TTLL9: variants seen among roughly 807,000 people sequenced by gnomAD.
TTLL9 encodes the protein probable tubulin polyglutamylase TTLL9.
A neutral mutation model predicts 65.6 loss-of-function variants in TTLL9; 47 were observed. The observed-to-expected ratio is 0.72, with a 90% confidence interval of 0.57 to 0.91. The LOEUF (loss-of-function observed/expected upper bound fraction) is 0.91, where lower values mean the gene tolerates loss of function less well. Among genes scored for constraint, TTLL9 ranks in the 40% least tolerant of loss-of-function variants. The pLI, the probability that TTLL9 is intolerant of heterozygous loss-of-function variation, is 0.00. For missense variants in TTLL9, 537 were observed against 568.8 expected, an observed-to-expected ratio of 0.94 and a Z score of 0.57; for synonymous variants, 179 against 204.8, an observed-to-expected ratio of 0.87 and a Z score of 1.07.
chr20:31,902,754 A>T (rs1201670071), intron 4 of TTLL9, among the ~76,000 whole-genome samples: 3 of 152,308 alleles, frequency 2.0e-5, no homozygotes, highest in East Asian at 3.9e-4. Flanking sequence ...CTTTTTAAGG[A>T]ACTGCTAGAC....
At chr20:31,937,569 G>T in intron 13 of TTLL9, 60 bp downstream of exon 13, 1 of 1,372,684 alleles carries the variant, frequency 7.3e-7, no homozygotes, top group Non-Finnish European at 1.0e-6. Flanking sequence ...CTCCCACCAA[G>T]GAAGAGGGGG....
intron 2 of TTLL9, among the ~76,000 whole-genome samples, chr20:31,884,256 C>T (rs1203666831): frequency 1.3e-5 from 2 of 152,122 alleles, no homozygotes; most frequent in Non-Finnish European, 2.9e-5. Flanking sequence ...GATGGAGTCT[C>T]ACTCTGTCAC....
chr20:31,936,247 T>G lies in TTLL9; in HGVS notation c.1005-1149T>G, dbSNP rs116252521. 5.0e-3 allele frequency among the ~76,000 whole-genome samples: 762 copies of G among 152,262 alleles called. 3 individuals carry two copies. The highest frequency in any genetic ancestry group is 0.017 in the African/African-American group (688 of 41,544). ...ACTTCGAATTTGGCCTTTAGACTGTTTTTGTTTTTAATTTCAATTTATTGA... is the reference window on the plus strand; with the variant it reads ...ACTTCGAATTTGGCCTTTAGACTGTGTTTGTTTTTAATTTCAATTTATTGA... On this transcript the variant is annotated intron_variant, in intron 12 of 14. Transcript: ENST00000535842.
intron 3 of TTLL9, among the ~76,000 whole-genome samples, chr20:31,894,622 T>A (rs2063356201): frequency 6.6e-6 from 1 of 152,166 alleles, no homozygotes; most frequent in Admixed American, 6.6e-5. Flanking sequence ...CTGGATATTG[T>A]GTATGAAAAA....
chr20:31,924,186 G>A (rs570926469), intron 8 of TTLL9, among the ~76,000 whole-genome samples: 2 of 152,068 alleles, frequency 1.3e-5, no homozygotes, highest in Admixed American at 6.5e-5. Context: ...CTTCCTCCTA[G>A]ACAACCACGC....
At chr20:31,932,290 G>A (rs989827092) in intron 10 of TTLL9, among the ~76,000 whole-genome samples, 10 of 152,068 alleles carry the variant, frequency 6.6e-5, no homozygotes, top group Non-Finnish European at 1.2e-4. Context: ...TGGCCAACAT[G>A]GTGAGACCCT....
chr20:31,880,498 T>A (rs1055116221), intron 2 of TTLL9, among the ~76,000 whole-genome samples: 27 of 147,732 alleles, frequency 1.8e-4, no homozygotes, highest in African/African-American at 6.6e-4. Flanking sequence ...CCAACCGACT[T>A]TTTTTTTTTT....
intron 4 of TTLL9, among the ~76,000 whole-genome samples, chr20:31,907,836 G>T (rs1483647000): frequency 1.3e-5 from 2 of 152,158 alleles, no homozygotes; most frequent in African/African-American, 4.8e-5. Context: ...TAGACAGGGG[G>T]CTTCAGTTGT....
intron 2 of TTLL9, among the ~76,000 whole-genome samples, chr20:31,875,144 C>G (rs570710757): frequency 2.0e-5 from 3 of 152,194 alleles, no homozygotes; most frequent in East Asian, 3.9e-4. Context: ...CACAAGGAGG[C>G]CTTGTGGGAT....
rs2064167838 is a variant in TTLL9, at chr20:31,939,260, C to T, written c.1237C>T (p.His413Tyr). Residue 413 changes from histidine (H) to tyrosine (Y), a missense_variant, in exon 14 of 15, where the codon CAT becomes TAT. Around this residue, in one of 3 missense-constraint regions of TTLL9, gnomAD observed 205 missense variants for 225.9 expected, o/e 0.91. Transcript: ENST00000535842. ...SGMGNFVTNT[H>Y]LGCVNDRKKQ... ...AATGGGAAACTTTGTGACCAACACACATCTCGGTATGTAGGGCCAGGTGGG... is the reference window on the plus strand; with the variant it reads ...AATGGGAAACTTTGTGACCAACACATATCTCGGTATGTAGGGCCAGGTGGG... 6.2e-7 allele frequency: 1 copy of T among 1,613,596 alleles called. No homozygotes were observed. Among genetic ancestry groups the T allele is most frequent in the Non-Finnish European group, 8.5e-7 (1 of 1,179,834 alleles).
chr20:31,887,303 T>A, intron 3 of TTLL9, 64 bp downstream of exon 3: 1 of 1,514,412 alleles, frequency 6.6e-7, no homozygotes, highest in South Asian at 1.1e-5. Context: ...CCTCCCCTTT[T>A]CAATCCCTCT....
Position 31,889,965 on chromosome 20 carries a change from C to T in TTLL9, c.113+2726C>T, listed in dbSNP as rs578090641. ...AAGAGGGGAGGGAAGAATCAAGCCA[C>T]ATCTCTCTCTTTCTTTCTTTCTTTC... On this transcript the variant is annotated intron_variant, in intron 3 of 14. Coordinates refer to ENST00000535842, the MANE Select transcript of TTLL9 (RefSeq NM_001008409.5). Among the ~76,000 whole-genome samples the T allele has an allele frequency of 2.0e-4, 29 of 145,616 alleles. 1 individual carries two copies. In the South Asian group the frequency reaches 5.9e-3, roughly 30 times the overall value.
intron 13 of TTLL9, 34 bp from the exon 14 acceptor site, chr20:31,939,108 C>T (rs6121286): frequency 7.2e-6 from 11 of 1,528,372 alleles, no homozygotes; most frequent in Non-Finnish European, 9.7e-6. Context: ...CCAGGTGCAC[C>T]TTCATTAACC....
intron 3 of TTLL9, among the ~76,000 whole-genome samples, chr20:31,893,877 C>T (rs2063344880): frequency 6.6e-6 from 1 of 152,032 alleles, no homozygotes; most frequent in Non-Finnish European, 1.5e-5. Context: ...CTTTCTTGAA[C>T]TTCAGTTATA....
chr20:31,890,039 CTTCCTTCT>C (rs1247541371), intron 3 of TTLL9, among the ~76,000 whole-genome samples: 12 of 101,630 alleles, frequency 1.2e-4, no homozygotes, highest in African/African-American at 4.7e-4. Context: ...TCTTTCCTTC[CTTCCTTCT>C]TTCTTTCTTT....
chr20:31,938,003 A>G (rs905758081), intron 13 of TTLL9, among the ~76,000 whole-genome samples: 2 of 150,054 alleles, frequency 1.3e-5, no homozygotes, highest in Non-Finnish European at 3.0e-5. Context: ...CAGGTGCTCA[A>G]TGTTGGCTGG....
At chr20:31,894,097 T>G (rs2063348615) in intron 3 of TTLL9, among the ~76,000 whole-genome samples, 1 of 138,782 alleles carries the variant, frequency 7.2e-6, no homozygotes, top group Non-Finnish European at 1.6e-5. Flanking sequence ...TCCATTTGGT[T>G]CTTTTTTTTT....
intron 4 of TTLL9, among the ~76,000 whole-genome samples, chr20:31,900,330 C>G (rs1055394238): frequency 2.0e-5 from 3 of 152,128 alleles, no homozygotes; most frequent in African/African-American, 7.2e-5. Flanking sequence ...AAACTGGGCA[C>G]AAAGTAGTGA....
chr20:31,909,164 T>C (rs1306921560), intron 5 of TTLL9, among the ~76,000 whole-genome samples: 1 of 145,114 alleles, frequency 6.9e-6, no homozygotes, highest in Non-Finnish European at 1.5e-5. Context: ...AGACAGAGTC[T>C]TGCTCTTGTC....
Sources: allele counts gnomAD v4.1 joint callset (sites outside exome capture counted in the v4.1 genomes callset), GRCh38; gene constraint gnomAD v4.1.1; regional missense constraint gnomAD v4.1.1; transcripts MANE v1.5; gene names NCBI Gene and HGNC (gene_info 2026-07-23, HGNC 2026-07-21).